Variants in COL5A1 observed in about 807,000 individuals in gnomAD.
COL5A1 encodes the protein collagen type V alpha 1 chain.
In COL5A1, 16 loss-of-function variants were observed where a neutral mutation model predicts 263.7. The observed-to-expected ratio is 0.06, with a 90% CI of 0.04 to 0.09. COL5A1 has a LOEUF of 0.09. Among genes scored for constraint, COL5A1 ranks in the 10% least tolerant of loss-of-function variants. COL5A1 has a pLI of 1.00. For missense variants in COL5A1, 2,036 were observed against 2,540.5 expected (o/e 0.80, Z 4.27); for synonymous variants, 1,012 against 1,004.5 (o/e 1.01, Z -0.14).
intron 4 of COL5A1, among the ~76,000 whole-genome samples, chr9:134,722,808 G>A (rs964835533): frequency 3.0e-5 from 4 of 131,574 alleles, no homozygotes; most frequent in South Asian, 2.2e-4. Flanking sequence ...ATCCAAAGAT[G>A]GGGGAGAGAG....
Position 134,758,888 on chromosome 9 carries a change from C to T in COL5A1, c.1935+592C>T, listed in dbSNP as rs978451837. Among the ~76,000 whole-genome samples the T allele has an allele frequency of 6.6e-6, 1 of 152,128 alleles. No individual in the cohort carries two copies. The highest frequency in any genetic ancestry group is 6.5e-5 in the Admixed American group (1 of 15,280). ...ATGTGGTTGTTGGAGAACACAGATG[C>T]GGCAGCTTTGGATAAACGGCAACAG... On this transcript the variant is annotated intron_variant, in intron 18 of 65. Coordinates refer to ENST00000371817, the MANE Select transcript of COL5A1 (RefSeq NM_000093.5). This position sits in a 1 kb window ranked among gnomAD's most constrained non-coding sequence, Gnocchi z 4.1.
intron 4 of COL5A1, chr9:134,708,466 C>A: frequency 2.2e-6 from 1 of 444,710 alleles, no homozygotes. Flanking sequence ...ACACTGTCAC[C>A]CTTCTAGGTC....
At chr9:134,660,568 C>T (rs1832172374) in intron 1 of COL5A1, among the ~76,000 whole-genome samples, 1 of 152,186 alleles carries the variant, frequency 6.6e-6, no homozygotes, top group African/African-American at 2.4e-5. Context: ...CAGTGTCTAG[C>T]TAGAGACCAG....
intron 39 of COL5A1, among the ~76,000 whole-genome samples, chr9:134,803,949 C>A (rs1016331025): frequency 6.6e-5 from 10 of 152,298 alleles, no homozygotes; most frequent in Non-Finnish European, 1.5e-4. Flanking sequence ...CCAACTGCCC[C>A]CTTTTCATAT....
rs141398004 is a variant in COL5A1 at position 134,822,382 on chromosome 9, C to T, written c.4608+232C>T. 4.9e-3 allele frequency among the ~76,000 whole-genome samples: 747 copies of T among 152,294 alleles called. 5 individuals are homozygous for T. Among genetic ancestry groups the T allele is most frequent in the Middle Eastern group, 0.02 (6 of 294 alleles). Reference sequence around the variant, plus strand: ...TGGTGGGGAAGACAGGGACAGGAAACGGTGGCCATTTCAGGGAACGAGGCC... The same window carrying T: ...TGGTGGGGAAGACAGGGACAGGAAATGGTGGCCATTTCAGGGAACGAGGCC... On this transcript the variant is annotated intron_variant, in intron 59 of 65. Coordinates refer to ENST00000371817, the MANE Select transcript of COL5A1 (RefSeq NM_000093.5).
chr9:134,839,042 G>T (rs774991129), intron 65 of COL5A1, among the ~76,000 whole-genome samples: 1 of 152,234 alleles, frequency 6.6e-6, no homozygotes, highest in Admixed American at 6.5e-5. Flanking sequence ...CTGATGCCCC[G>T]AACTCGGGCC....
chr9:134,726,117 C>T (rs1834639880), intron 4 of COL5A1, among the ~76,000 whole-genome samples: 1 of 152,212 alleles, frequency 6.6e-6, no homozygotes, highest in Non-Finnish European at 1.5e-5. Context: ...GCAAAGGAGG[C>T]AGGGTACCTC....
intron 1 of COL5A1, among the ~76,000 whole-genome samples, chr9:134,665,881 A>G (rs1329660527): frequency 6.6e-6 from 1 of 152,228 alleles, no homozygotes; most frequent in Non-Finnish European, 1.5e-5. Flanking sequence ...TGAGGTCAGG[A>G]GTTCAAGACC....
At chr9:134,829,059 G>A (rs983549882) in intron 63 of COL5A1, among the ~76,000 whole-genome samples, 17 of 152,232 alleles carry the variant, frequency 1.1e-4, no homozygotes, top group African/African-American at 3.9e-4. Flanking sequence ...AGGATGGGAT[G>A]AGGATGCCCC....
chr9:134,835,604 G>A (rs1230158734), intron 65 of COL5A1, among the ~76,000 whole-genome samples: 2 of 152,342 alleles, frequency 1.3e-5, no homozygotes, highest in East Asian at 1.9e-4. Context: ...GCCTGTTCCC[G>A]AGAGCACGGC....
intron 42 of COL5A1, among the ~76,000 whole-genome samples, chr9:134,807,725 C>A (rs1200431037): frequency 2.0e-5 from 3 of 152,326 alleles, no homozygotes; most frequent in African/African-American, 7.2e-5. Flanking sequence ...CTGTTCAATA[C>A]ATTATTGGCA....
chr9:134,787,269 CTA>C (rs1212836501), intron 31 of COL5A1, among the ~76,000 whole-genome samples: 1 of 152,210 alleles, frequency 6.6e-6, no homozygotes, highest in Non-Finnish European at 1.5e-5. Context: ...TGGGCAGAGA[CTA>C]GAAGTAGCCA....
chr9:134,830,345 C>A (rs917396120), intron 64 of COL5A1: 10 of 662,024 alleles, frequency 1.5e-5, no homozygotes, highest in African/African-American at 7.3e-5. Flanking sequence ...CTCTCCCCAG[C>A]CCCCGCCACC....
intron 59 of COL5A1, 106 bp from the exon 60 acceptor site, chr9:134,822,892 G>A (rs771348617): frequency 1.1e-5 from 14 of 1,252,978 alleles, no homozygotes; most frequent in Middle Eastern, 2.1e-4. Flanking sequence ...GGGGGATGCG[G>A]GTGGGAGAGG....
intron 65 of COL5A1, among the ~76,000 whole-genome samples, chr9:134,837,172 T>C (rs1225391455): frequency 6.6e-6 from 1 of 152,012 alleles, no homozygotes; most frequent in Non-Finnish European, 1.5e-5. Context: ...GCAGTAAACA[T>C]GGAGGTGAAG....
chr9:134,815,551 C>T (rs1838710976), intron 50 of COL5A1, 25 bp from the exon 51 acceptor site: 2 of 1,610,950 alleles, frequency 1.2e-6, no homozygotes, highest in Non-Finnish European at 1.7e-6. Flanking sequence ...ATGGCCTTGG[C>T]TGCTTCCTTC....
At chr9:134,816,370 A>T (rs1838745483) in intron 52 of COL5A1, among the ~76,000 whole-genome samples, 1 of 152,112 alleles carries the variant, frequency 6.6e-6, no homozygotes, top group Non-Finnish European at 1.5e-5. Flanking sequence ...ATCACACTGG[A>T]CGTTGCATCT....
intron 2 of COL5A1, among the ~76,000 whole-genome samples, chr9:134,698,842 C>T (rs368387191): frequency 2.6e-5 from 4 of 152,364 alleles, no homozygotes; most frequent in African/African-American, 4.8e-5. Context: ...AATGGATTCA[C>T]GATGGCTCAA....
chr9:134,708,675 T>C (rs2132590292), intron 4 of COL5A1: 1 of 518,564 alleles, frequency 1.9e-6, no homozygotes, highest in South Asian at 1.4e-5. Flanking sequence ...CAGCTCTGCC[T>C]GCTTTGCTGA....
Sources: gnomAD v4.1 joint callset for allele counts (sites outside exome capture counted in the v4.1 genomes callset) on GRCh38, gnomAD v4.1.1 for gene constraint, Gnocchi (gnomAD v3.1) non-coding constraint, MANE v1.5 for transcripts, NCBI Gene and HGNC (gene_info 2026-07-23, HGNC 2026-07-21) for gene names.